MEF2C: variants seen among roughly 807,000 people sequenced by gnomAD.
MEF2C encodes the protein myocyte-specific enhancer factor 2C.
Under a neutral mutation model 50.5 loss-of-function variants are expected in MEF2C, and 6 were observed. That is an observed-to-expected ratio of 0.12 (90% CI 0.07 to 0.23). The LOEUF (loss-of-function observed/expected upper bound fraction) is 0.23, where lower values mean the gene tolerates loss of function less well. MEF2C is among the 10% of genes least tolerant of loss of function. MEF2C has a pLI of 1.00. For synonymous variants in MEF2C, 183 were observed against 228.0 expected, an observed-to-expected ratio of 0.80 and a Z score of 1.78; for missense variants, 276 against 605.0, an observed-to-expected ratio of 0.46 and a Z score of 5.70.
At chr5:88,863,450 GTTTA>G (rs914407294) in intron 1 of MEF2C, among the ~76,000 whole-genome samples, 6 of 152,210 alleles carry the variant, frequency 3.9e-5, no homozygotes, top group African/African-American at 1.2e-4. Flanking sequence ...CAATTTATAG[GTTTA>G]TTTGTTTCTG....
intron 3 of MEF2C, among the ~76,000 whole-genome samples, chr5:88,779,541 G>C (rs1415725360): frequency 6.6e-6 from 1 of 152,022 alleles, no homozygotes; most frequent in African/African-American, 2.4e-5. Context: ...TTTTGTGCTG[G>C]AAACTGCCAG....
intron 2 of MEF2C, among the ~76,000 whole-genome samples, chr5:88,822,419 T>C (rs1248350317): frequency 6.6e-6 from 1 of 151,924 alleles, no homozygotes; most frequent in Non-Finnish European, 1.5e-5. Context: ...ACGATGTGCA[T>C]GAAAACACTA....
chr5:88,820,271 T>C (rs954465586), intron 2 of MEF2C, among the ~76,000 whole-genome samples: 21 of 151,936 alleles, frequency 1.4e-4, no homozygotes, highest in African/African-American at 4.8e-4. Flanking sequence ...TTTTTTTAAA[T>C]AAAAAAGCTG....
chr5:88,811,635 C>T (rs190959003), intron 2 of MEF2C, among the ~76,000 whole-genome samples: 31 of 152,170 alleles, frequency 2.0e-4, no homozygotes, highest in Admixed American at 1.5e-3. Flanking sequence ...CATACATTAT[C>T]GCCTCTAATT....
At chr5:88,857,129 C>T (rs547902128) in intron 1 of MEF2C, among the ~76,000 whole-genome samples, 6 of 152,216 alleles carry the variant, frequency 3.9e-5, no homozygotes, top group Non-Finnish European at 7.3e-5. Context: ...CCTTTTGCAT[C>T]AGCATGACCT....
rs1755090481 is a variant in MEF2C, at chr5:88,717,307, G to C, written c.*5297C>G. ...AAAATCAAGTGAAAGGCTTCTGCTG[G>C]GTGGATGAGGAAGTGTCCATGCTCT... On this transcript the variant is annotated 3_prime_UTR_variant, in exon 11 of 11. Coordinates refer to ENST00000504921, the MANE Select transcript of MEF2C (RefSeq NM_002397.5). 1 of 152,234 alleles carries C rather than the reference G, an allele frequency of 6.6e-6. No homozygotes were observed. Among genetic ancestry groups the C allele is most frequent in the African/African-American group, 2.4e-5 (1 of 41,408 alleles). The allele number at this position is 152,234 out of a possible 1,614,324, so 9.4% of individuals were successfully genotyped here.
chr5:88,829,310 C>T (rs1010399421), intron 1 of MEF2C, among the ~76,000 whole-genome samples: 1 of 151,984 alleles, frequency 6.6e-6, no homozygotes, highest in African/African-American at 2.4e-5. Flanking sequence ...GTTTCACCTC[C>T]TCAGGAAGTA....
At chr5:88,842,357 T>C (rs1817686346) in intron 1 of MEF2C, among the ~76,000 whole-genome samples, 1 of 152,010 alleles carries the variant, frequency 6.6e-6, no homozygotes, top group African/African-American at 2.4e-5. Flanking sequence ...AGAAAAAAAA[T>C]CTAGTAAAAC....
intron 1 of MEF2C, among the ~76,000 whole-genome samples, chr5:88,836,061 A>T (rs2153274744): frequency 2.0e-5 from 3 of 152,186 alleles, no homozygotes; most frequent in Admixed American, 2.0e-4. Flanking sequence ...ATTTCTTCTA[A>T]TTTCCTGTTT....
chr5:88,722,031 G>A lies in MEF2C; in HGVS notation c.*573C>T, dbSNP rs1174580908. ...TCCACATTTTTTTTTAATAGGTATG[G>A]TCCTCTTTTAATGGTCTCTGATCCT... On this transcript the variant is annotated 3_prime_UTR_variant, in exon 11 of 11. Transcript: ENST00000504921. The A allele has an allele frequency of 6.6e-6, 1 of 151,950 alleles. No individual in the cohort carries two copies. The highest frequency in any genetic ancestry group is 1.5e-5 in the Non-Finnish European group (1 of 67,954). 9.4% of individuals were successfully genotyped at this position (151,950 alleles called of 1,614,324 possible).
At chr5:88,867,408 G>A (rs1827752208) in intron 1 of MEF2C, among the ~76,000 whole-genome samples, 1 of 152,130 alleles carries the variant, frequency 6.6e-6, no homozygotes, top group Non-Finnish European at 1.5e-5. Context: ...CATTAAGTGG[G>A]TAACTTTGGA....
intron 1 of MEF2C, chr5:88,838,814 A>T (rs1368754536): frequency 1.2e-6 from 1 of 845,158 alleles, no homozygotes; most frequent in African/African-American, 1.8e-5. Flanking sequence ...ATTTACAGGG[A>T]AGTTTCCACT....
upstream of MEF2C, among the ~76,000 whole-genome samples, chr5:88,886,575 A>G (rs187778990): frequency 1.1e-4 from 17 of 152,322 alleles, no homozygotes; most frequent in East Asian, 2.9e-3. Context: ...CTTTAAACCA[A>G]TTGGAAGGTA....
At chr5:88,776,296 G>A (rs1469478169) in intron 3 of MEF2C, among the ~76,000 whole-genome samples, 1 of 152,160 alleles carries the variant, frequency 6.6e-6, no homozygotes, top group Non-Finnish European at 1.5e-5. Context: ...AATGTGGCAT[G>A]ATTAAATCTA....
chr5:88,752,464 T>G, intron 4 of MEF2C: 1 of 382,124 alleles, frequency 2.6e-6, no homozygotes, highest in African/African-American at 2.2e-5. Context: ...TATTGAAGCA[T>G]ATTTATGTAG....
chr5:88,841,191 T>C lies in MEF2C; in HGVS notation c.-142-17261A>G, dbSNP rs1333631695. ...ACAGCCTATGGCCCCGTAATGCCATTATGTTAAAATAGTTCCTGCTACTGA... is the reference window on the plus strand; with the variant it reads ...ACAGCCTATGGCCCCGTAATGCCATCATGTTAAAATAGTTCCTGCTACTGA... On this transcript the variant is annotated intron_variant, in intron 1 of 10. Coordinates refer to ENST00000504921, the MANE Select transcript of MEF2C (RefSeq NM_002397.5). 2.6e-5 allele frequency among the ~76,000 whole-genome samples: 4 copies of C among 152,096 alleles called. No homozygotes were observed. The East Asian group carries it at 7.7e-4, about 29-fold the overall frequency.
chr5:88,835,493 G>C (rs1814711758), intron 1 of MEF2C, among the ~76,000 whole-genome samples: 1 of 152,052 alleles, frequency 6.6e-6, no homozygotes, highest in Admixed American at 6.6e-5. Flanking sequence ...GAATTATCTA[G>C]TATTTTAAAT....
chr5:88,764,998 A>G (rs1779435765), intron 3 of MEF2C, among the ~76,000 whole-genome samples: 1 of 152,178 alleles, frequency 6.6e-6, no homozygotes, highest in African/African-American at 2.4e-5. Context: ...TCAGTGGCTC[A>G]CTTTGTACCT....
At chr5:88,819,334 C>A (rs938675460) in intron 2 of MEF2C, 8 of 985,064 alleles carry the variant, frequency 8.1e-6, no homozygotes, top group Non-Finnish European at 9.6e-6. Flanking sequence ...TTGGTCACTT[C>A]CCAGTTTTAA....
Sources: gnomAD v4.1 joint callset for allele counts (sites outside exome capture counted in the v4.1 genomes callset) on GRCh38, gnomAD v4.1.1 for gene constraint, MANE v1.5 for transcripts, NCBI Gene and HGNC (gene_info 2026-07-23, HGNC 2026-07-21) for gene names.